The following SNAP91 variants were observed in gnomAD, a reference collection of about 807,000 sequenced individuals.
The protein encoded by SNAP91 is clathrin coat assembly protein AP180.
In SNAP91, 27 loss-of-function variants were observed where a neutral mutation model predicts 100.3. The observed-to-expected ratio is 0.27, with a 90% CI of 0.20 to 0.37. The LOEUF is 0.37. Ranked by LOEUF, SNAP91 falls within the 10% of genes least tolerant of loss-of-function variation. The pLI is 1.00. For missense variants in SNAP91, 986 were observed against 1,123.7 expected, an observed-to-expected ratio of 0.88 and a Z score of 1.75; for synonymous variants, 404 against 398.6, an observed-to-expected ratio of 1.01 and a Z score of -0.16.
intron 2 of SNAP91, among the ~76,000 whole-genome samples, chr6:83,703,276 TAC>T (rs1333567628): frequency 6.6e-6 from 1 of 152,134 alleles, no homozygotes; most frequent in Non-Finnish European, 1.5e-5. Context: ...AGTAATCTTT[TAC>T]ACATTGTTCT....
At chr6:83,644,938 A>G (rs217321) in intron 7 of SNAP91, among the ~76,000 whole-genome samples, 150,946 of 152,300 alleles carry the variant, frequency 0.99, 74,803 homozygotes, top group East Asian at 1. Context: ...ACGCCAAAAT[A>G]TGTAAATTCA....
chr6:83,632,401 G>A (rs2097246114), intron 8 of SNAP91, among the ~76,000 whole-genome samples: 1 of 152,104 alleles, frequency 6.6e-6, no homozygotes, highest in South Asian at 2.1e-4. Context: ...TTTCCCTGAT[G>A]TTCTTTGTGC....
At chr6:83,678,265 C>T (rs1371688256) in intron 2 of SNAP91, among the ~76,000 whole-genome samples, 1 of 152,064 alleles carries the variant, frequency 6.6e-6, no homozygotes, top group Non-Finnish European at 1.5e-5. Flanking sequence ...GGTTAACTTA[C>T]CATCTCCCAA....
rs1382809825 is a variant in SNAP91, at chr6:83,593,522, G to C, written c.1652C>G (p.Ala551Gly). 1 of 1,552,764 alleles carries C rather than the reference G, an allele frequency of 6.4e-7. No individual in the cohort carries two copies. The highest frequency in any genetic ancestry group is 2.0e-5 in the Admixed American group (1 of 51,044). ...AGGAGGAGCAGTGGTGGCGGTGGCAGCGGAGGTGGTGGTAGTGGTGGTGGC... is the reference window on the plus strand; with the variant it reads ...AGGAGGAGCAGTGGTGGCGGTGGCACCGGAGGTGGTGGTAGTGGTGGTGGC... ...AAATTTTTTS[A>G]ATATTAPPAL... Residue 551 changes from alanine (A) to glycine (G), a missense_variant, in exon 18 of 30, where the codon GCT becomes GGT. Ala to Gly is a moderately conservative substitution (Grantham distance 60). This residue lies in a region of SNAP91 where 575 missense variants were observed against 579.9 expected (regional missense o/e 0.99). Coordinates refer to ENST00000369694, the MANE Select transcript of SNAP91 (RefSeq NM_001242792.2).
intron 23 of SNAP91, 29 bp from the exon 24 acceptor site, chr6:83,580,628 T>C (rs774367714): frequency 5.1e-6 from 8 of 1,556,048 alleles, no homozygotes; most frequent in South Asian, 1.2e-5. Flanking sequence ...AGGTTCAGAA[T>C]AATTGAAAAC....
intron 28 of SNAP91, among the ~76,000 whole-genome samples, chr6:83,558,533 T>C (rs1177188011): frequency 6.6e-6 from 1 of 152,214 alleles, no homozygotes; most frequent in East Asian, 1.9e-4. Flanking sequence ...ATTCTTTCTC[T>C]TGGTCCCTGT....
In SNAP91 at chr6:83,560,427, G is replaced by A. The variant is rs902275726; in HGVS notation, c.2527-219C>T. ...TAGCATAAGCCTGGTTGGCCACATG[G>A]TATCCCCATCCCAACCAAGCTTTGT... On this transcript the variant is annotated intron_variant, in intron 27 of 29. Coordinates refer to ENST00000369694, the MANE Select transcript of SNAP91 (RefSeq NM_001242792.2). Among the ~76,000 whole-genome samples the A allele has an allele frequency of 7.9e-5, 12 of 152,166 alleles. No individual in the cohort carries two copies. In the East Asian group the frequency reaches 2.3e-3, roughly 29 times the overall value.
intron 2 of SNAP91, among the ~76,000 whole-genome samples, chr6:83,673,148 T>C (rs1236451268): frequency 6.6e-6 from 1 of 152,048 alleles, no homozygotes; most frequent in African/African-American, 2.4e-5. Context: ...GTAATTCTTT[T>C]AAATTTACAT....
At chr6:83,689,554 G>T (rs190608911) in intron 2 of SNAP91, 1 of 152,132 alleles carries the variant, frequency 6.6e-6, no homozygotes, top group Admixed American at 6.6e-5. Context: ...CACTAAAAAT[G>T]AAAACCTCCA....
intron 7 of SNAP91, among the ~76,000 whole-genome samples, chr6:83,653,669 AT>A (rs1359786419): frequency 6.6e-6 from 1 of 151,906 alleles, no homozygotes; most frequent in African/African-American, 2.4e-5. Context: ...ATGACTTGTA[AT>A]TTTTTCTTGA....
At chr6:83,664,190 G>A (rs188227727) in intron 3 of SNAP91, among the ~76,000 whole-genome samples, 11 of 152,204 alleles carry the variant, frequency 7.2e-5, no homozygotes, top group South Asian at 6.2e-4. Flanking sequence ...AGAGATGCAC[G>A]TTGTTTTCAT....
chr6:83,605,786 C>T lies in SNAP91; in HGVS notation c.1040G>A (p.Ser347Asn). The T allele has an allele frequency of 6.4e-7, 1 of 1,551,870 alleles. No individual in the cohort carries two copies. The highest frequency in any genetic ancestry group is 8.7e-7 in the Non-Finnish European group (1 of 1,147,374). The part of the protein sequence containing the change: ...AVPVSTSKPS[S>N]DLLDLQPDFS... Reference sequence around the variant, plus strand: ...GTCTGGCTGGAGGTCCAGGAGATCACTAGATGGTTTAGAAGTGCTGAAAGG... The same window carrying T: ...GTCTGGCTGGAGGTCCAGGAGATCATTAGATGGTTTAGAAGTGCTGAAAGG... The change falls in exon 14 of 30, where the codon AGT becomes AAT. Residue 347 changes from serine to asparagine, a missense_variant. Transcript: ENST00000369694.
chr6:83,705,778 C>T (rs1476268975), intron 2 of SNAP91, among the ~76,000 whole-genome samples: 1 of 151,568 alleles, frequency 6.6e-6, no homozygotes, highest in Non-Finnish European at 1.5e-5. Flanking sequence ...GCACTCCAGC[C>T]TGGGTGACAG....
At chr6:83,627,894 C>A (rs1030166923) in intron 8 of SNAP91, among the ~76,000 whole-genome samples, 2 of 151,386 alleles carry the variant, frequency 1.3e-5, no homozygotes, top group Non-Finnish European at 3.0e-5. Flanking sequence ...GGTGAGGTGG[C>A]GTTTGGTTAC....
intron 9 of SNAP91, among the ~76,000 whole-genome samples, chr6:83,619,876 C>A (rs1044369329): frequency 6.6e-6 from 1 of 152,044 alleles, no homozygotes; most frequent in Non-Finnish European, 1.5e-5. Context: ...TATAAAGCAT[C>A]ATTAAAACCA....
chr6:83,643,650 C>T (rs532055118), intron 7 of SNAP91, among the ~76,000 whole-genome samples: 2 of 152,216 alleles, frequency 1.3e-5, no homozygotes, highest in Admixed American at 6.5e-5. Context: ...AATTTTACTA[C>T]CTCAGAAGTA....
intron 2 of SNAP91, among the ~76,000 whole-genome samples, chr6:83,691,371 G>A (rs975344461): frequency 6.6e-6 from 1 of 152,028 alleles, no homozygotes; most frequent in Admixed American, 6.6e-5. Flanking sequence ...ACTAAATTCT[G>A]TTATATGGTT....
intron 2 of SNAP91, among the ~76,000 whole-genome samples, chr6:83,669,195 G>C (rs1459332853): frequency 6.6e-6 from 1 of 151,978 alleles, no homozygotes; most frequent in Non-Finnish European, 1.5e-5. Flanking sequence ...GAATTGCTAG[G>C]TTGTAGGGTA....
chr6:83,663,703 T>A (rs1013486972), intron 3 of SNAP91, among the ~76,000 whole-genome samples: 2 of 152,142 alleles, frequency 1.3e-5, no homozygotes, highest in Admixed American at 6.6e-5. Context: ...AAGCAGGAAG[T>A]GCTGATGAAG....
Sources: allele counts gnomAD v4.1 joint callset (sites outside exome capture counted in the v4.1 genomes callset), GRCh38; gene constraint gnomAD v4.1.1; regional missense constraint gnomAD v4.1.1; transcripts MANE v1.5; gene names NCBI Gene and HGNC (gene_info 2026-07-23, HGNC 2026-07-21).